Variants in LRRC37A observed in about 807,000 individuals in gnomAD.
LRRC37A encodes leucine-rich repeat-containing protein 37A.
LRRC37A carries 3 observed loss-of-function variants against 35.4 expected under a neutral mutation model. The observed-to-expected ratio is 0.08, with a 90% CI of 0.04 to 0.22. The LOEUF (loss-of-function observed/expected upper bound fraction) is 0.22. LRRC37A is among the 10% of genes least tolerant of loss of function. The pLI, the probability that LRRC37A is intolerant of heterozygous loss-of-function variation, is 1.00. For missense variants in LRRC37A, 67 were observed against 565.3 expected (o/e 0.12, Z 8.94); for synonymous variants, 23 against 215.0 (o/e 0.11, Z 7.81).
the LRRC37A span, among the ~76,000 whole-genome samples, chr17:46,271,387 T>C: frequency 0.12 from 18,227 of 150,486 alleles, no homozygotes; most frequent in Non-Finnish European, 0.18. Flanking sequence ...TCTCCATGTT[T>C]GTCAGGCTGG....
At chr17:46,264,482 CTCTGGT>C in the LRRC37A span, among the ~76,000 whole-genome samples, 28 of 152,320 alleles carry the variant, frequency 1.8e-4, no homozygotes, top group African/African-American at 6.7e-4. Flanking sequence ...ACTCCCTGGG[CTCTGGT>C]TTATATTACC....
chr17:46,286,006 C>T, the LRRC37A span, among the ~76,000 whole-genome samples: 2 of 152,360 alleles, frequency 1.3e-5, no homozygotes, highest in Admixed American at 1.3e-4. Flanking sequence ...CAGACATACT[C>T]ATCAATGAGC....
the LRRC37A span, among the ~76,000 whole-genome samples, chr17:46,253,068 A>C: frequency 6.8e-6 from 1 of 147,164 alleles, no homozygotes; most frequent in African/African-American, 2.5e-5. Context: ...CTCACTTCTC[A>C]GACAGGGCGG....
At chr17:46,253,474 A>T in the LRRC37A span, among the ~76,000 whole-genome samples, 10 of 152,256 alleles carry the variant, frequency 6.6e-5, no homozygotes, top group South Asian at 1.9e-3. Context: ...GCACTGAGTG[A>T]ACGAGACTCC....
the LRRC37A span, among the ~76,000 whole-genome samples, chr17:46,267,801 C>T: frequency 6.6e-6 from 1 of 151,622 alleles, no homozygotes; most frequent in East Asian, 1.9e-4. Context: ...AACACCATTG[C>T]CAGAAGGGAC....
chr17:46,263,497 G>C, the LRRC37A span, among the ~76,000 whole-genome samples: 4 of 145,352 alleles, frequency 2.8e-5, no homozygotes, highest in African/African-American at 1.0e-4. Context: ...GTTGCAGTGA[G>C]CTGAGATCAC....
chr17:46,280,743 A>T, the LRRC37A span, among the ~76,000 whole-genome samples: 21,684 of 151,690 alleles, frequency 0.14, 1,877 homozygotes, highest in Non-Finnish European at 0.22. Flanking sequence ...CCGCCTAAGT[A>T]TTGTATTTTT....
the LRRC37A span, among the ~76,000 whole-genome samples, chr17:46,253,601 C>T: frequency 6.6e-6 from 1 of 152,180 alleles, no homozygotes; most frequent in Admixed American, 6.5e-5. Flanking sequence ...ATACGAAAAC[C>T]AGTCAGGCGT....
chr17:46,291,980 A>AC (rs1481687574), upstream of LRRC37A, among the ~76,000 whole-genome samples: 6 of 123,252 alleles, frequency 4.9e-5, no homozygotes, highest in Non-Finnish European at 7.2e-5. Flanking sequence ...AAAAAAAAAA[A>AC]AAAAAAAGCC....
Position 46,325,017 on chromosome 17 carries a change from A to G in LRRC37A, c.3053+1990A>G, listed in dbSNP as rs1247176936. ...GGGCTGGTTGAGGGAATTTTGCAAG[A>G]TTAGCATGGAAAGGGCCCTTCATTT... On this transcript the variant is annotated intron_variant, in intron 7 of 13. Transcript: ENST00000320254. 6.5e-5 allele frequency among the ~76,000 whole-genome samples: 5 copies of G among 76,580 alleles called. 2 individuals are homozygous for G. The highest frequency in any genetic ancestry group is 1.2e-4 in the Non-Finnish European group (3 of 26,080). 50.2% of individuals were successfully genotyped at this position (76,580 alleles called of 152,430 possible). A position where few individuals can be genotyped will look rare whatever the true frequency, so the allele number is the denominator to read the frequency against.
At chr17:46,277,790 G>GCGTC in the LRRC37A span, among the ~76,000 whole-genome samples, 49 of 151,736 alleles carry the variant, frequency 3.2e-4, no homozygotes, top group Admixed American at 5.9e-4. Context: ...GGGATTACAG[G>GCGTC]TGCCCACCCT....
chr17:46,277,659 T>TTC, the LRRC37A span, among the ~76,000 whole-genome samples: 16,113 of 147,524 alleles, frequency 0.11, 5 homozygotes, highest in Non-Finnish European at 0.17. Context: ...CTTTCTTTTT[T>TTC]TTTTTTTGAG....
chr17:46,285,184 C>T, the LRRC37A span, among the ~76,000 whole-genome samples: 334 of 152,056 alleles, frequency 2.2e-3, no homozygotes, highest in African/African-American at 7.9e-3. Context: ...GTCTTCAATA[C>T]ACCTGTATCA....
chr17:46,262,279 C>A, the LRRC37A span, among the ~76,000 whole-genome samples: 4 of 152,266 alleles, frequency 2.6e-5, no homozygotes, highest in Non-Finnish European at 5.9e-5. Context: ...GGTGATCCAC[C>A]TGCCTTGGCC....
the LRRC37A span, among the ~76,000 whole-genome samples, chr17:46,286,445 C>T: frequency 6.6e-6 from 1 of 152,194 alleles, no homozygotes; most frequent in South Asian, 2.1e-4. Flanking sequence ...AAAGCTTATA[C>T]CCAAATTAGT....
At chr17:46,289,470 C>A (rs1407576362), upstream of LRRC37A, among the ~76,000 whole-genome samples, 5 of 152,156 alleles carry the variant, frequency 3.3e-5, no homozygotes, top group Middle Eastern at 3.2e-3. Flanking sequence ...TTGTACCCAG[C>A]CATAAGAATA....
At chr17:46,252,774 C>T in the LRRC37A span, among the ~76,000 whole-genome samples, 2 of 152,218 alleles carry the variant, frequency 1.3e-5, no homozygotes, top group African/African-American at 4.8e-5. Flanking sequence ...TGTCTACCCG[C>T]CTCTACACAG....
At chr17:46,271,004 A>G in the LRRC37A span, among the ~76,000 whole-genome samples, 21,689 of 151,682 alleles carry the variant, frequency 0.14, 1,896 homozygotes, top group Non-Finnish European at 0.22. Context: ...TTAGTATCTC[A>G]CTCCAAGTAT....
chr17:46,275,182 G>A, the LRRC37A span: 25 of 310,536 alleles, frequency 8.1e-5, no homozygotes, highest in Non-Finnish European at 1.4e-4. Context: ...GTGAGCCACC[G>A]CACCTGGCAA....
Sources: allele counts gnomAD v4.1 joint callset (sites outside exome capture counted in the v4.1 genomes callset), GRCh38; gene constraint gnomAD v4.1.1; transcripts MANE v1.5; gene names NCBI Gene and HGNC (gene_info 2026-07-23, HGNC 2026-07-21).